The following ARK2N variants were observed in gnomAD, a reference collection of about 807,000 sequenced individuals.
ARK2N encodes protein ARK2N.
At chr18:46,188,120 G>C in the ARK2N span, among the ~76,000 whole-genome samples, 2 of 152,160 alleles carry the variant, frequency 1.3e-5, no homozygotes, top group African/African-American at 4.8e-5. Context: ...TTTTTATGAT[G>C]CCTTGGCAGA....
chr18:46,245,059 A>G, the ARK2N span, among the ~76,000 whole-genome samples: 1 of 151,990 alleles, frequency 6.6e-6, no homozygotes. Flanking sequence ...CCTATCCAGT[A>G]GCTGGGATTA....
the ARK2N span, among the ~76,000 whole-genome samples, chr18:46,245,305 C>T: frequency 6.6e-6 from 1 of 151,974 alleles, no homozygotes; most frequent in Admixed American, 6.5e-5. Context: ...CTGTGGCTCA[C>T]GCCTATAATC....
the ARK2N span, among the ~76,000 whole-genome samples, chr18:46,235,594 G>A: frequency 6.6e-6 from 1 of 152,228 alleles, no homozygotes; most frequent in African/African-American, 2.4e-5. Flanking sequence ...CTAAGAGAGA[G>A]TAGGCAAGGC....
the ARK2N span, among the ~76,000 whole-genome samples, chr18:46,185,362 A>G: frequency 1.1e-4 from 17 of 152,290 alleles, 1 homozygote; most frequent in South Asian, 3.3e-3. Context: ...TTAACTCTTA[A>G]CTTCTTGGGC....
chr18:46,208,755 C>T, the ARK2N span, among the ~76,000 whole-genome samples: 1 of 152,162 alleles, frequency 6.6e-6, no homozygotes, highest in Non-Finnish European at 1.5e-5. Context: ...GCGTGAGCCA[C>T]CATGCCCGGC....
chr18:46,228,064 T>C, the ARK2N span, among the ~76,000 whole-genome samples: 1 of 152,240 alleles, frequency 6.6e-6, no homozygotes, highest in Non-Finnish European at 1.5e-5. Context: ...TCTGAAATTA[T>C]AGTGCAACAT....
chr18:46,240,446 A>T, the ARK2N span, among the ~76,000 whole-genome samples: 1 of 152,240 alleles, frequency 6.6e-6, no homozygotes, highest in Non-Finnish European at 1.5e-5. Context: ...TTCAGTAGGC[A>T]TATTTCTTGG....
the ARK2N span, among the ~76,000 whole-genome samples, chr18:46,178,437 C>T: frequency 1.1e-3 from 167 of 152,284 alleles, no homozygotes; most frequent in African/African-American, 3.8e-3. Context: ...CTCAGCCTCC[C>T]GAGTAGTTGG....
the ARK2N span, among the ~76,000 whole-genome samples, chr18:46,228,375 ATAAT>A: frequency 8.6e-5 from 13 of 151,920 alleles, no homozygotes; most frequent in Non-Finnish European, 1.3e-4. Context: ...TTATGATACG[ATAAT>A]TAATATATTA....
At chr18:46,248,473 G>C in the ARK2N span, among the ~76,000 whole-genome samples, 3 of 152,066 alleles carry the variant, frequency 2.0e-5, no homozygotes, top group South Asian at 6.2e-4. Flanking sequence ...TAGCTAAGAG[G>C]GTGAAAGTAT....
the ARK2N span, among the ~76,000 whole-genome samples, chr18:46,203,022 ACT>A: frequency 1.3e-5 from 2 of 152,022 alleles, no homozygotes; most frequent in Non-Finnish European, 2.9e-5. Context: ...AAAAACAGAG[ACT>A]CTCAGACATT....
chr18:46,200,464 C>T, the ARK2N span, among the ~76,000 whole-genome samples: 9 of 152,230 alleles, frequency 5.9e-5, no homozygotes, highest in Admixed American at 1.3e-4. Flanking sequence ...CGTGCCACCA[C>T]GCCCAGCTAA....
chr18:46,265,074 T>C, the ARK2N span: 1 of 152,620 alleles, frequency 6.6e-6, no homozygotes, highest in African/African-American at 2.4e-5. Context: ...GGTGTATCCT[T>C]GGACCTTCAC....
the ARK2N span, among the ~76,000 whole-genome samples, chr18:46,256,816 G>C: frequency 6.6e-6 from 1 of 152,172 alleles, no homozygotes; most frequent in Non-Finnish European, 1.5e-5. Flanking sequence ...CTAGGACTGA[G>C]TCTTTCTGAT....
At chr18:46,201,344 T>C in the ARK2N span, among the ~76,000 whole-genome samples, 1 of 152,162 alleles carries the variant, frequency 6.6e-6, no homozygotes, top group Non-Finnish European at 1.5e-5. Context: ...CAAAAAAATA[T>C]GTGTAGGATG....
chr18:46,248,887 T>C, the ARK2N span, among the ~76,000 whole-genome samples: 1 of 152,030 alleles, frequency 6.6e-6, no homozygotes, highest in African/African-American at 2.4e-5. Context: ...CTGGCCTCTA[T>C]ACTCTTACGC....
At chr18:46,200,553 G>A in the ARK2N span, among the ~76,000 whole-genome samples, 5 of 152,214 alleles carry the variant, frequency 3.3e-5, no homozygotes, top group East Asian at 3.9e-4. Context: ...TGATCCGCCC[G>A]CCTCAGCCTC....
the ARK2N span, among the ~76,000 whole-genome samples, chr18:46,175,926 C>G: frequency 6.6e-6 from 1 of 152,170 alleles, no homozygotes; most frequent in African/African-American, 2.4e-5. Context: ...GTAGTTGTTA[C>G]TTATTCACTT....
chr18:46,244,601 ATT>A, the ARK2N span, among the ~76,000 whole-genome samples: 30 of 93,856 alleles, frequency 3.2e-4, 1 homozygote, highest in South Asian at 7.8e-3. Flanking sequence ...AAGAGTTTAG[ATT>A]TTTTTTTTTT....
Sources: allele counts gnomAD v4.1 joint callset (sites outside exome capture counted in the v4.1 genomes callset), GRCh38; gene constraint gnomAD v4.1.1; transcripts MANE v1.5; gene names NCBI Gene and HGNC (gene_info 2026-07-23, HGNC 2026-07-21).